TCF12: variants seen among roughly 807,000 people sequenced by gnomAD.
TCF12 encodes transcription factor 12, also known as DNA-binding protein HTF4.
A neutral mutation model predicts 86.0 loss-of-function variants in TCF12; 45 were observed. The observed-to-expected ratio is 0.52, with a 90% CI of 0.41 to 0.67. TCF12 has a LOEUF of 0.67. Ranked by LOEUF, TCF12 falls within the 30% of genes least tolerant of loss-of-function variation. The pLI is 0.00. For missense variants in TCF12, 881 were observed against 859.9 expected, an observed-to-expected ratio of 1.02 and a Z score of -0.31; for synonymous variants, 330 against 299.6, an observed-to-expected ratio of 1.10 and a Z score of -1.05.
chr15:57,024,247 G>A (rs2065684478), intron 3 of TCF12, among the ~76,000 whole-genome samples: 1 of 136,528 alleles, frequency 7.3e-6, no homozygotes, highest in Non-Finnish European at 1.5e-5. Flanking sequence ...TTTTGAGACG[G>A]AGTCTCGCTC....
intron 3 of TCF12, among the ~76,000 whole-genome samples, chr15:56,957,734 G>A (rs1595852899): frequency 6.6e-6 from 1 of 151,984 alleles, no homozygotes; most frequent in South Asian, 2.1e-4. Context: ...TATCTGCCCT[G>A]TAATTTTTTA....
chr15:57,031,436 A>G (rs1363378964), intron 3 of TCF12, among the ~76,000 whole-genome samples: 30 of 152,150 alleles, frequency 2.0e-4, no homozygotes, highest in Admixed American at 1.8e-3. Context: ...CTGTGGTTGG[A>G]TATTAGACAG....
At chr15:57,092,427 A>G (rs926856744) in intron 5 of TCF12, among the ~76,000 whole-genome samples, 1 of 152,192 alleles carries the variant, frequency 6.6e-6, no homozygotes, top group African/African-American at 2.4e-5. Flanking sequence ...TTGCACTTTC[A>G]AGAAGGGTAT....
In TCF12 at chr15:57,006,874, C is replaced by A. The variant is rs944158396; in HGVS notation, c.149-56876C>A. On this transcript the variant is annotated intron_variant, in intron 3 of 20. Transcript: ENST00000333725. ...AGGGTTGCAGTGAGCCGAGATCGCACCACTGCACTTCAGCATGGGTGACAG... is the reference window on the plus strand; with the variant it reads ...AGGGTTGCAGTGAGCCGAGATCGCAACACTGCACTTCAGCATGGGTGACAG... Among the ~76,000 whole-genome samples, 7 of 152,104 alleles carry A rather than the reference C, an allele frequency of 4.6e-5. No individual in the cohort carries two copies. In the South Asian group the frequency reaches 1.5e-3, roughly 32 times the overall value.
At chr15:57,160,179 G>A (rs898559158) in intron 5 of TCF12, among the ~76,000 whole-genome samples, 63 of 152,316 alleles carry the variant, frequency 4.1e-4, no homozygotes, top group African/African-American at 1.5e-3. Flanking sequence ...ACATACCTGG[G>A]ACTGGGTAAT....
intron 8 of TCF12, among the ~76,000 whole-genome samples, chr15:57,222,716 G>C (rs2058655454): frequency 7.1e-6 from 1 of 141,498 alleles, no homozygotes; most frequent in Non-Finnish European, 1.5e-5. Flanking sequence ...AAAGTCTTGA[G>C]AGCAAAGGAA....
chr15:57,269,826 G>T (rs2441925), intron 18 of TCF12, among the ~76,000 whole-genome samples: 77,884 of 151,920 alleles, frequency 0.51, 20,784 homozygotes, highest in African/African-American at 0.64. Flanking sequence ...ACTTAGTTTG[G>T]CTGGATATGA....
At chr15:56,942,569 A>C (rs745445374) in intron 3 of TCF12, among the ~76,000 whole-genome samples, 3 of 152,180 alleles carry the variant, frequency 2.0e-5, no homozygotes, top group Non-Finnish European at 4.4e-5. Context: ...CAATGTAAAG[A>C]TAGTTCTTGG....
intron 5 of TCF12, among the ~76,000 whole-genome samples, chr15:57,122,290 G>A (rs186003904): frequency 4.6e-5 from 7 of 151,858 alleles, no homozygotes; most frequent in Non-Finnish European, 1.0e-4. Flanking sequence ...AATCTTAGGA[G>A]AGATGCATGT....
intron 4 of TCF12, among the ~76,000 whole-genome samples, chr15:57,074,916 A>G (rs1304775889): frequency 1.3e-5 from 2 of 152,244 alleles, no homozygotes; most frequent in Non-Finnish European, 2.9e-5. Context: ...GATTGGTGTC[A>G]TCAATAATGG....
intron 16 of TCF12, among the ~76,000 whole-genome samples, chr15:57,259,091 A>G (rs1442251761): frequency 2.0e-5 from 3 of 152,016 alleles, no homozygotes; most frequent in Non-Finnish European, 4.4e-5. Flanking sequence ...TTAAATTTTT[A>G]TTTTTATTAA....
chr15:57,124,919 G>A (rs201139439), intron 5 of TCF12, among the ~76,000 whole-genome samples: 4 of 152,138 alleles, frequency 2.6e-5, no homozygotes, highest in East Asian at 1.9e-4. Context: ...TGATCCGCCC[G>A]CCTCCATCTC....
chr15:57,142,303 T>A (rs2053026885), intron 5 of TCF12, among the ~76,000 whole-genome samples: 2 of 20,168 alleles, frequency 9.9e-5, no homozygotes, highest in African/African-American at 1.3e-4. Context: ...ACTCACACTT[T>A]TATAGATAGA....
intron 19 of TCF12, 166 bp from the exon 20 acceptor site, chr15:57,282,279 G>A (rs2061725683): frequency 1.4e-6 from 1 of 731,606 alleles, no homozygotes; most frequent in East Asian, 2.7e-5. Context: ...GTATAAATCT[G>A]GAGGCTCAGT....
intron 19 of TCF12, among the ~76,000 whole-genome samples, chr15:57,278,245 C>T (rs1408610375): frequency 1.3e-5 from 2 of 152,018 alleles, no homozygotes; most frequent in African/African-American, 4.8e-5. Context: ...CATAGAAAAA[C>T]AGCAAAAATA....
At chr15:56,936,943 T>C (rs2060495509) in intron 3 of TCF12, among the ~76,000 whole-genome samples, 1 of 152,232 alleles carries the variant, frequency 6.6e-6, no homozygotes, top group Non-Finnish European at 1.5e-5. Context: ...AGTCTTGTTT[T>C]GGCTGTGATG....
intron 3 of TCF12, among the ~76,000 whole-genome samples, chr15:56,979,861 A>G (rs762126277): frequency 5.3e-5 from 8 of 152,140 alleles, no homozygotes; most frequent in Non-Finnish European, 1.2e-4. Context: ...ACTTGTATTC[A>G]TTTGCAGAAG....
chr15:57,247,673 C>G, intron 13 of TCF12: 1 of 758,724 alleles, frequency 1.3e-6, no homozygotes, highest in Non-Finnish European at 2.4e-6. Flanking sequence ...AAAAATTTTC[C>G]TCACTGTTAG....
At chr15:57,080,905 G>T (rs1326882972) in intron 4 of TCF12, among the ~76,000 whole-genome samples, 2 of 152,132 alleles carry the variant, frequency 1.3e-5, no homozygotes, top group Admixed American at 6.5e-5. Flanking sequence ...TTTTCCATGG[G>T]AATTATGTTA....
Sources: allele counts gnomAD v4.1 joint callset (sites outside exome capture counted in the v4.1 genomes callset), GRCh38; gene constraint gnomAD v4.1.1; transcripts MANE v1.5; gene names NCBI Gene and HGNC (gene_info 2026-07-23, HGNC 2026-07-21).